Variants in GTF2IRD1 observed in about 807,000 individuals in gnomAD.
GTF2IRD1 encodes the protein GTF2I repeat domain containing 1.
Under a neutral mutation model 113.2 loss-of-function variants are expected in GTF2IRD1, and 26 were observed. The observed-to-expected ratio is 0.23, with a 90% CI of 0.17 to 0.32. The LOEUF (loss-of-function observed/expected upper bound fraction) is 0.32, where lower values mean the gene tolerates loss of function less well. Among genes scored for constraint, GTF2IRD1 ranks in the 10% least tolerant of loss-of-function variants. The pLI is 1.00. For missense variants in GTF2IRD1, 864 were observed against 1,280.8 expected, an observed-to-expected ratio of 0.67 and a Z score of 4.97; for synonymous variants, 484 against 529.1, an observed-to-expected ratio of 0.91 and a Z score of 1.17.
chr7:74,558,356 T>C (rs1192212772), intron 20 of GTF2IRD1, among the ~76,000 whole-genome samples: 2 of 110,178 alleles, frequency 1.8e-5, no homozygotes, highest in Admixed American at 8.9e-5. Flanking sequence ...TCTTTTTTTT[T>C]TTTTTTTTTT....
intron 12 of GTF2IRD1, 140 bp downstream of exon 12, chr7:74,538,313 C>T: frequency 1.2e-6 from 1 of 806,992 alleles, no homozygotes; most frequent in South Asian, 1.5e-5. Context: ...CCTGCCTCCA[C>T]TAGGCCTCGC....
chr7:74,565,529 AAAG>A (rs1800246094), intron 22 of GTF2IRD1, among the ~76,000 whole-genome samples: 1 of 130,062 alleles, frequency 7.7e-6, no homozygotes, highest in African/African-American at 3.7e-5. Flanking sequence ...GGTCACAAAA[AAAG>A]AAAGAAAAAA....
chr7:74,597,081 C>T (rs797024677), intron 25 of GTF2IRD1, among the ~76,000 whole-genome samples: 1 of 151,788 alleles, frequency 6.6e-6, no homozygotes, highest in Non-Finnish European at 1.5e-5. Flanking sequence ...CTCACTCTGT[C>T]GCCCAGGCTG....
chr7:74,538,172 A>C lies in GTF2IRD1; in HGVS notation c.1446A>C (p.Pro482=), dbSNP rs1798412657. The C allele has an allele frequency of 6.2e-7, 1 of 1,612,328 alleles. No homozygotes were observed. The highest frequency in any genetic ancestry group is 8.5e-7 in the Non-Finnish European group (1 of 1,179,746). ...DKGSMSEDCG[P]GTSGELGGLR... Reference sequence around the variant, plus strand: ...GCAGCATGTCTGAAGACTGTGGGCCAGGTGAGAAGGAACAGGGCCCGCTGT... The same window carrying C: ...GCAGCATGTCTGAAGACTGTGGGCCCGGTGAGAAGGAACAGGGCCCGCTGT... Residue 482 remains proline (P), a splice_region_variant and synonymous_variant, in exon 12 of 27, where the codon CCA becomes CCC. Transcript: ENST00000424337.
chr7:74,551,579 T>C (rs1245003311), intron 17 of GTF2IRD1, among the ~76,000 whole-genome samples: 2 of 151,930 alleles, frequency 1.3e-5, no homozygotes, highest in African/African-American at 4.8e-5. Context: ...AGGAGGAACC[T>C]GGATAAGAAG....
Position 74,559,061 on chromosome 7 carries a change from G to A in GTF2IRD1, c.2291+17G>A. On this transcript the variant is annotated intron_variant, in intron 21 of 26. Transcript: ENST00000424337. ...AGTCACCAGGTACTCAGTGGGAAGG[G>A]TGAGGGTGAAGAGGCAGGACTAGCT... 1 of 1,609,232 alleles carries A rather than the reference G, an allele frequency of 6.2e-7. No individual in the cohort carries two copies.
At position 74,521,265 on chromosome 7, in the gene GTF2IRD1, G is replaced by T. The variant is rs782212975; in HGVS notation, c.974G>T (p.Arg325Leu). 1 of 1,610,708 alleles carries T rather than the reference G, an allele frequency of 6.2e-7. No individual in the cohort carries two copies. The highest frequency in any genetic ancestry group is 8.5e-7 in the Non-Finnish European group (1 of 1,177,360). The change falls in exon 7 of 27, where the codon CGC becomes CTC. Residue 325 changes from arginine (R) to leucine (L), a missense_variant. By Grantham distance (102) the Arg-to-Leu change is moderately radical. Around this residue, in one of 7 missense-constraint regions of GTF2IRD1, gnomAD observed 195 missense variants for 196.6 expected, o/e 0.99. Transcript: ENST00000424337. Reference protein sequence around the residue: ...PLIQNVHASKRILFSIVHDKS... With the variant: ...PLIQNVHASKLILFSIVHDKS... Reference sequence around the variant, plus strand: ...ATCCAGAACGTCCATGCCTCCAAGCGCATTCTCTTCTCCATCGTCCATGAC... The same window carrying T: ...ATCCAGAACGTCCATGCCTCCAAGCTCATTCTCTTCTCCATCGTCCATGAC...
intron 1 of GTF2IRD1, among the ~76,000 whole-genome samples, chr7:74,501,225 C>G (rs1430036885): frequency 6.6e-6 from 1 of 152,056 alleles, no homozygotes; most frequent in African/African-American, 2.4e-5. Flanking sequence ...AGTGCAGAGC[C>G]GAGCCCACCG....
intron 17 of GTF2IRD1, among the ~76,000 whole-genome samples, chr7:74,549,257 C>G (rs1480077973): frequency 6.8e-6 from 1 of 147,070 alleles, no homozygotes. Context: ...GAGCTGAGAT[C>G]GTACCACGAC....
chr7:74,551,876 C>T (rs1799328798), intron 17 of GTF2IRD1, among the ~76,000 whole-genome samples: 1 of 151,932 alleles, frequency 6.6e-6, no homozygotes, highest in Non-Finnish European at 1.5e-5. Context: ...GTGGAGGTTG[C>T]AGTGAGCCGA....
chr7:74,568,337 T>TAAA (rs782743930), intron 22 of GTF2IRD1, among the ~76,000 whole-genome samples: 17,451 of 91,710 alleles, frequency 0.19, 2,133 homozygotes, highest in East Asian at 0.36. Context: ...CATCTCTATT[T>TAAA]AAAAAAAAAA....
intron 9 of GTF2IRD1, among the ~76,000 whole-genome samples, chr7:74,533,816 T>C (rs1554349532): frequency 1.3e-5 from 2 of 151,822 alleles, no homozygotes; most frequent in Non-Finnish European, 2.9e-5. Flanking sequence ...GGAGGATCAC[T>C]TGAGGTCAGG....
chr7:74,528,949 GGATGGA>G (rs1797794280), intron 8 of GTF2IRD1, among the ~76,000 whole-genome samples: 1 of 86,484 alleles, frequency 1.2e-5, no homozygotes, highest in Admixed American at 1.3e-4. Context: ...ATGGGTGGAT[GGATGGA>G]TGGATGGATG....
chr7:74,484,829 C>T (rs1554335308), intron 1 of GTF2IRD1, among the ~76,000 whole-genome samples: 1 of 152,126 alleles, frequency 6.6e-6, no homozygotes, highest in East Asian at 1.9e-4. Flanking sequence ...CATTCATCAT[C>T]GGACGCTGGG....
chr7:74,496,122 G>A (rs1554337813), intron 1 of GTF2IRD1, among the ~76,000 whole-genome samples: 1 of 151,966 alleles, frequency 6.6e-6, no homozygotes, highest in Non-Finnish European at 1.5e-5. Flanking sequence ...ATGCATGTGT[G>A]AGTGTGCATG....
intron 17 of GTF2IRD1, among the ~76,000 whole-genome samples, chr7:74,550,119 C>A (rs1799218584): frequency 6.6e-6 from 1 of 151,788 alleles, no homozygotes; most frequent in Non-Finnish European, 1.5e-5. Context: ...TCACTTGAAC[C>A]CGAGAGGCAG....
At chr7:74,587,406 T>G (rs1191642792) in intron 22 of GTF2IRD1, among the ~76,000 whole-genome samples, 2 of 151,234 alleles carry the variant, frequency 1.3e-5, no homozygotes, top group African/African-American at 4.9e-5. Flanking sequence ...ACCGTGCCAC[T>G]GCACTCCAGC....
intron 1 of GTF2IRD1, among the ~76,000 whole-genome samples, chr7:74,494,786 C>T (rs369916440): frequency 6.6e-6 from 1 of 151,760 alleles, no homozygotes; most frequent in African/African-American, 2.4e-5. Context: ...GGTTCTCACT[C>T]TGTCACTCAG....
chr7:74,466,046 T>C (rs1424939930), intron 1 of GTF2IRD1, among the ~76,000 whole-genome samples: 3 of 152,234 alleles, frequency 2.0e-5, no homozygotes, highest in African/African-American at 4.8e-5. Flanking sequence ...GTTGGGATTA[T>C]AGGCATGAGC....
Sources: gnomAD v4.1 joint callset for allele counts (sites outside exome capture counted in the v4.1 genomes callset) on GRCh38, gnomAD v4.1.1 for gene constraint, gnomAD v4.1.1 regional missense constraint, MANE v1.5 for transcripts, NCBI Gene and HGNC (gene_info 2026-07-23, HGNC 2026-07-21) for gene names.